FHIT: variants seen among roughly 807,000 people sequenced by gnomAD.
FHIT encodes bis(5'-adenosyl)-triphosphatase.
A neutral mutation model predicts 17.9 loss-of-function variants in FHIT; 19 were observed. The observed-to-expected ratio is 1.06, with a 90% confidence interval of 0.74 to 1.56. FHIT has a LOEUF of 1.56. FHIT is among the 40% of genes most tolerant of loss of function. The pLI, the probability that FHIT is intolerant of heterozygous loss-of-function variation, is 0.00. For missense variants in FHIT, 248 were observed against 189.2 expected, an observed-to-expected ratio of 1.31 and a Z score of -1.82; for synonymous variants, 81 against 69.7, an observed-to-expected ratio of 1.16 and a Z score of -0.81.
chr3:60,231,912 C>T (rs377235276), intron 5 of FHIT, among the ~76,000 whole-genome samples: 4 of 152,014 alleles, frequency 2.6e-5, no homozygotes, highest in African/African-American at 4.8e-5. Context: ...CAACTGAAGG[C>T]CTTAACCATA....
intron 3 of FHIT, among the ~76,000 whole-genome samples, chr3:60,982,962 A>T (rs981407009): frequency 3.9e-5 from 6 of 152,102 alleles, no homozygotes; most frequent in African/African-American, 1.4e-4. Context: ...TGGAGGTCAG[A>T]CCAACTCTCT....
rs552390937 is a variant in FHIT, at chr3:60,456,919, T to G, written c.103+79941A>C. Among the ~76,000 whole-genome samples, 24 of 152,044 alleles carry G rather than the reference T, an allele frequency of 1.6e-4. No individual in the cohort carries two copies. In the South Asian group the frequency reaches 2.3e-3, roughly 14 times the overall value. ...AGGAGAACTACAAACCACTGCTCAATGAAATAAAAGAGGATACAAACAAAT... is the reference window on the plus strand; with the variant it reads ...AGGAGAACTACAAACCACTGCTCAAGGAAATAAAAGAGGATACAAACAAAT... On this transcript the variant is annotated intron_variant, in intron 5 of 9. Transcript: ENST00000492590.
chr3:60,456,273 A>G (rs972319452), intron 5 of FHIT, among the ~76,000 whole-genome samples: 5 of 152,246 alleles, frequency 3.3e-5, no homozygotes, highest in Non-Finnish European at 7.3e-5. Flanking sequence ...CAACTCCCAG[A>G]TATCTGAAAT....
At chr3:61,137,515 T>C (rs1020375980) in intron 2 of FHIT, among the ~76,000 whole-genome samples, 8 of 152,138 alleles carry the variant, frequency 5.3e-5, no homozygotes, top group Non-Finnish European at 1.5e-5. Context: ...CAATCACTGG[T>C]GTACTTGCCT....
At chr3:60,059,601 G>C (rs543104118) in intron 5 of FHIT, among the ~76,000 whole-genome samples, 11 of 152,228 alleles carry the variant, frequency 7.2e-5, no homozygotes, top group African/African-American at 2.6e-4. Flanking sequence ...ACTTGTCTCA[G>C]TCTCTTTTCC....
intron 7 of FHIT, among the ~76,000 whole-genome samples, chr3:60,010,046 C>T (rs1700081089): frequency 6.6e-6 from 1 of 152,206 alleles, no homozygotes; most frequent in Non-Finnish European, 1.5e-5. Context: ...CTTTCAATGG[C>T]TGAAGGAATT....
chr3:60,412,057 C>A (rs370182740), intron 5 of FHIT, among the ~76,000 whole-genome samples: 23 of 151,904 alleles, frequency 1.5e-4, no homozygotes, highest in African/African-American at 5.3e-4. Context: ...AGATAATACA[C>A]CTGCAGTGTT....
chr3:59,786,926 A>C (rs1352214187), intron 8 of FHIT, among the ~76,000 whole-genome samples: 1 of 152,222 alleles, frequency 6.6e-6, no homozygotes, highest in Non-Finnish European at 1.5e-5. Flanking sequence ...TGCATTGCTG[A>C]AAATGACATC....
At chr3:59,785,777 C>T (rs953719406) in intron 8 of FHIT, among the ~76,000 whole-genome samples, 1 of 152,224 alleles carries the variant, frequency 6.6e-6, no homozygotes, top group African/African-American at 2.4e-5. Context: ...AGCATGCTCT[C>T]ATATGCCAGA....
Position 61,188,525 on chromosome 3 carries a change from C to T in FHIT, c.-164+12092G>A, listed in dbSNP as rs1021923805. ...GGTACAAGGAGGAGCTAGTACCAGT[C>T]CTTCTGAAACTATTCCAATCAATAG... On this transcript the variant is annotated intron_variant, in intron 2 of 9. Coordinates refer to ENST00000492590, the MANE Select transcript of FHIT (RefSeq NM_002012.4). Among the ~76,000 whole-genome samples the T allele has an allele frequency of 5.9e-5, 9 of 152,154 alleles. No individual in the cohort carries two copies. In the East Asian group the frequency reaches 9.6e-4, roughly 16 times the overall value.
intron 4 of FHIT, among the ~76,000 whole-genome samples, chr3:60,595,365 C>A (rs1553665878): frequency 7.2e-6 from 1 of 137,946 alleles, no homozygotes; most frequent in Non-Finnish European, 1.6e-5. Flanking sequence ...CTGAGGACAC[C>A]ATGTTAGTCT....
chr3:60,102,711 C>G (rs1275880187), intron 5 of FHIT, among the ~76,000 whole-genome samples: 1 of 152,034 alleles, frequency 6.6e-6, no homozygotes, highest in African/African-American at 2.4e-5. Flanking sequence ...CCAAGCAAAG[C>G]TTCATATCTT....
At chr3:59,864,254 T>C (rs1225059494) in intron 8 of FHIT, among the ~76,000 whole-genome samples, 2 of 152,174 alleles carry the variant, frequency 1.3e-5, no homozygotes, top group South Asian at 2.1e-4. Flanking sequence ...TGGGAGGTAA[T>C]TGAATCATGG....
chr3:60,465,230 T>G (rs929366074), intron 5 of FHIT, among the ~76,000 whole-genome samples: 3 of 151,148 alleles, frequency 2.0e-5, no homozygotes, highest in Admixed American at 6.6e-5. Context: ...AGATTTTTTT[T>G]CCTATGGAAT....
chr3:60,751,453 A>T (rs549291030), intron 4 of FHIT, among the ~76,000 whole-genome samples: 1 of 152,378 alleles, frequency 6.6e-6, no homozygotes, highest in East Asian at 1.9e-4. Flanking sequence ...AATAAGGAAA[A>T]TCCAAAAAGC....
At chr3:61,008,322 A>G (rs1336027668) in intron 3 of FHIT, among the ~76,000 whole-genome samples, 1 of 152,190 alleles carries the variant, frequency 6.6e-6, no homozygotes, top group Non-Finnish European at 1.5e-5. Flanking sequence ...AGTTCCTAAG[A>G]TCTACAAAGT....
chr3:61,213,320 G>A (rs1329665394), intron 1 of FHIT, among the ~76,000 whole-genome samples: 1 of 152,062 alleles, frequency 6.6e-6, no homozygotes, highest in Non-Finnish European at 1.5e-5. Flanking sequence ...GATCTACCCA[G>A]CAAATGGAAA....
chr3:59,856,803 T>C (rs1215275093), intron 8 of FHIT, among the ~76,000 whole-genome samples: 1 of 152,054 alleles, frequency 6.6e-6, no homozygotes, highest in East Asian at 1.9e-4. Context: ...GCTCAGAGTC[T>C]GGAAGTAACA....
chr3:60,715,669 C>T (rs1553706587), intron 4 of FHIT, among the ~76,000 whole-genome samples: 2 of 150,566 alleles, frequency 1.3e-5, no homozygotes, highest in African/African-American at 2.4e-5. Context: ...ATACCTAATG[C>T]TAAATGATGA....
Sources: gnomAD v4.1 joint callset for allele counts (sites outside exome capture counted in the v4.1 genomes callset) on GRCh38, gnomAD v4.1.1 for gene constraint, MANE v1.5 for transcripts, NCBI Gene and HGNC (gene_info 2026-07-23, HGNC 2026-07-21) for gene names.